TIMELESS: variants seen among roughly 807,000 people sequenced by gnomAD.
The protein encoded by TIMELESS is timeless circadian regulator.
In TIMELESS, 124 loss-of-function variants were observed where a neutral mutation model predicts 164.3. That is an observed-to-expected ratio of 0.75 (90% CI 0.65 to 0.88). The LOEUF (loss-of-function observed/expected upper bound fraction) is 0.88, where lower values mean the gene tolerates loss of function less well. Among genes scored for constraint, TIMELESS ranks in the 40% least tolerant of loss-of-function variants. The pLI is 0.00. For synonymous variants in TIMELESS, 564 were observed against 563.4 expected, an observed-to-expected ratio of 1.00 and a Z score of -0.02; for missense variants, 1,422 against 1,491.4, an observed-to-expected ratio of 0.95 and a Z score of 0.77.
intron 1 of TIMELESS, among the ~76,000 whole-genome samples, chr12:56,446,114 G>A (rs780980029): frequency 8.3e-4 from 126 of 152,030 alleles, no homozygotes; most frequent in Non-Finnish European, 1.6e-3. Flanking sequence ...CATGTTGCCC[G>A]GGCTGGTCTT....
intron 1 of TIMELESS, among the ~76,000 whole-genome samples, chr12:56,439,792 TTC>T (rs1237273740): frequency 9.9e-5 from 15 of 152,206 alleles, no homozygotes; most frequent in Non-Finnish European, 2.1e-4. Flanking sequence ...ACTATACGCA[TTC>T]TGTTTCTACC....
Position 56,421,336 on chromosome 12 carries a change from G to T in TIMELESS, c.2868+15C>A. ...AAGTGAGCCCATGCCAGCAGAGCTAGGGTCAGATTGTTACCAAGATGGAGG... is the reference window on the plus strand; with the variant it reads ...AAGTGAGCCCATGCCAGCAGAGCTATGGTCAGATTGTTACCAAGATGGAGG... On this transcript the variant is annotated intron_variant, in intron 23 of 28. Coordinates refer to ENST00000553532, the MANE Select transcript of TIMELESS (RefSeq NM_003920.5). 5 of 1,611,886 alleles carry T rather than the reference G, an allele frequency of 3.1e-6. No homozygotes were observed. The highest frequency in any genetic ancestry group is 4.2e-6 in the Non-Finnish European group (5 of 1,178,806).
At chr12:56,428,831 T>A (rs1881764718) in intron 11 of TIMELESS, 52 bp downstream of exon 11, 2 of 1,585,268 alleles carry the variant, frequency 1.3e-6, no homozygotes. Context: ...CAGCCAGAAT[T>A]CAAGCATTCA....
At chr12:56,431,995 G>A (rs774036) in intron 7 of TIMELESS, among the ~76,000 whole-genome samples, 63,890 of 151,516 alleles carry the variant, frequency 0.42, 14,685 homozygotes, top group East Asian at 0.72. Context: ...TAACTAAGAT[G>A]GCTAGTACAT....
rs750595647 is a variant in TIMELESS at position 56,428,580 on chromosome 12, C to T, written c.1377G>A (p.Glu459=). Residue 459 remains glutamate, a synonymous_variant, in exon 12 of 29, where the codon GAG becomes GAA. Transcript: ENST00000553532. ...TVNEMDISPD[E]AVRESSRIIK... ...TGATGCGGCTGCTCTCCCTCACAGC[C>T]TCATCTGGAGATATGTCCATCTCAT... is the stretch of plus-strand genomic sequence containing the variant. 1 of 1,614,144 alleles carries T rather than the reference C, an allele frequency of 6.2e-7. No homozygotes were observed. Among genetic ancestry groups the T allele is most frequent in the Non-Finnish European group, 8.5e-7 (1 of 1,180,032 alleles).
At position 56,417,343 on chromosome 12, in the gene TIMELESS, T is replaced by G; in HGVS notation, c.*373A>C. The G allele has an allele frequency of 5.1e-6, 1 of 197,830 alleles. No homozygotes were observed. Among genetic ancestry groups the G allele is most frequent in the Non-Finnish European group, 1.0e-5 (1 of 95,714 alleles). 12.3% of individuals were successfully genotyped at this position (197,830 alleles called of 1,614,324 possible). On this transcript the variant is annotated 3_prime_UTR_variant, in exon 29 of 29. Transcript: ENST00000553532. The stretch of plus-strand genomic sequence containing the variant: ...TGTCATAAAGCTCCCCATCTGGTGC[T>G]GCGACCCACCTCCAAGAGAAAGCCA...
intron 1 of TIMELESS, among the ~76,000 whole-genome samples, chr12:56,447,176 ATTTTTGTT>A (rs1565691131): frequency 1.1e-5 from 1 of 88,762 alleles, no homozygotes; most frequent in African/African-American, 4.8e-5. Flanking sequence ...TACCCAGCTA[ATTTTTGTT>A]TTTTTTTTTT....
Position 56,418,021 on chromosome 12 carries a change from T to C in TIMELESS, c.3455-13A>G. Reference sequence around the variant, plus strand: ...ACAGCGTCTTCCTCTGCAATGACCATAAATGACACAAAATTAGGAACTCGG... The same window carrying C: ...ACAGCGTCTTCCTCTGCAATGACCACAAATGACACAAAATTAGGAACTCGG... On this transcript the variant is annotated splice_polypyrimidine_tract_variant and intron_variant, in intron 27 of 28. Transcript: ENST00000553532. The C allele has an allele frequency of 6.2e-7, 1 of 1,614,174 alleles. No individual in the cohort carries two copies. Among genetic ancestry groups the C allele is most frequent in the Non-Finnish European group, 8.5e-7 (1 of 1,180,006 alleles).
At chr12:56,431,815 C>A (rs1000898981) in intron 7 of TIMELESS, among the ~76,000 whole-genome samples, 10 of 151,058 alleles carry the variant, frequency 6.6e-5, no homozygotes, top group Admixed American at 2.0e-4. Context: ...TGTATATATT[C>A]ATATATACAT....
chr12:56,435,308 T>A (rs7302060), intron 1 of TIMELESS, among the ~76,000 whole-genome samples: 3 of 151,552 alleles, frequency 2.0e-5, no homozygotes, highest in Non-Finnish European at 2.9e-5. Context: ...ATGGAGTGAA[T>A]AGAAACTGGT....
chr12:56,447,019 T>C, intron 1 of TIMELESS, among the ~76,000 whole-genome samples: 1 of 150,650 alleles, frequency 6.6e-6, no homozygotes, highest in Non-Finnish European at 1.5e-5. Context: ...TTTTATTTTT[T>C]TTTTTTTTGG....
chr12:56,421,222 C>G (rs931938096), intron 23 of TIMELESS, 88 bp from the exon 24 acceptor site: 69 of 1,590,374 alleles, frequency 4.3e-5, no homozygotes, highest in Non-Finnish European at 5.1e-5. Context: ...ACCGCACCCC[C>G]CCGCGCCTGC....
chr12:56,443,625 C>T (rs957088262), intron 1 of TIMELESS, among the ~76,000 whole-genome samples: 1 of 152,070 alleles, frequency 6.6e-6, no homozygotes, highest in South Asian at 2.1e-4. Context: ...TATTCGTACC[C>T]CCCTCCCCTT....
intron 10 of TIMELESS, 94 bp from the exon 11 acceptor site, chr12:56,429,194 AC>A: frequency 8.4e-7 from 1 of 1,196,140 alleles, no homozygotes; most frequent in South Asian, 1.5e-5. Context: ...GATGCTGGAC[AC>A]CGTCATAATT....
At chr12:56,444,305 C>T (rs1474681418) in intron 1 of TIMELESS, among the ~76,000 whole-genome samples, 1 of 152,146 alleles carries the variant, frequency 6.6e-6, no homozygotes, top group Non-Finnish European at 1.5e-5. Flanking sequence ...TTGCCTCCCA[C>T]CTGGTTTATC....
At chr12:56,429,201 T>C in intron 10 of TIMELESS, 101 bp from the exon 11 acceptor site, 4 of 1,153,360 alleles carry the variant, frequency 3.5e-6, no homozygotes, top group Non-Finnish European at 4.8e-6. Context: ...GACACCGTCA[T>C]AATTTTTTTT....
Position 56,423,802 on chromosome 12 carries a change from A to AG in TIMELESS, c.1960dup (p.Leu654ProfsTer37). 6.2e-7 allele frequency: 1 copy of AG among 1,614,206 alleles called. No homozygotes were observed. The highest frequency in any genetic ancestry group is 8.5e-7 in the Non-Finnish European group (1 of 1,180,032). ...TGTGAAGGGTGGAGACTCACGGGGAAGTGGAGCAGAGAGGATTTGTTTCAG... is the reference window on the plus strand; with the variant it reads ...TGTGAAGGGTGGAGACTCACGGGGAAGGTGGAGCAGAGAGGATTTGTTTCAG... On this transcript the variant is annotated frameshift_variant, in exon 16 of 29. Transcript: ENST00000553532. LOFTEE classifies it high-confidence loss of function.
chr12:56,425,888 A>G (rs946909505), intron 13 of TIMELESS, among the ~76,000 whole-genome samples: 20 of 152,024 alleles, frequency 1.3e-4, no homozygotes, highest in African/African-American at 4.8e-4. Context: ...AAATAAATAA[A>G]TAAATAAATA....
At chr12:56,426,309 T>C (rs919805545) in intron 13 of TIMELESS, among the ~76,000 whole-genome samples, 25 of 152,010 alleles carry the variant, frequency 1.6e-4, no homozygotes, top group Non-Finnish European at 2.9e-4. Flanking sequence ...TTGGTACTAC[T>C]GCATCTTTCA....
Sources: gnomAD v4.1 joint callset for allele counts (sites outside exome capture counted in the v4.1 genomes callset) on GRCh38, gnomAD v4.1.1 for gene constraint, MANE v1.5 for transcripts, NCBI Gene and HGNC (gene_info 2026-07-23, HGNC 2026-07-21) for gene names.